CSTPP1: variants seen among roughly 807,000 people sequenced by gnomAD.
The protein encoded by CSTPP1 is UPF0705 protein C11orf49.
At chr11:47,037,108 T>C in the CSTPP1 span, among the ~76,000 whole-genome samples, 1 of 127,322 alleles carries the variant, frequency 7.9e-6, no homozygotes, top group East Asian at 2.1e-4. Context: ...CAGAGAATTA[T>C]GTAGATGTGT....
the CSTPP1 span, among the ~76,000 whole-genome samples, chr11:46,944,227 A>G: frequency 6.7e-6 from 1 of 150,064 alleles, no homozygotes. Flanking sequence ...TTGAGACACG[A>G]GAATTGCTTG....
At chr11:47,136,622 TG>T in the CSTPP1 span, among the ~76,000 whole-genome samples, 1 of 152,150 alleles carries the variant, frequency 6.6e-6, no homozygotes, top group Non-Finnish European at 1.5e-5. Flanking sequence ...TCCTGTGGCT[TG>T]GGCTAACTTA....
the CSTPP1 span, chr11:47,155,031 G>T: frequency 8.4e-6 from 6 of 715,412 alleles, no homozygotes; most frequent in Non-Finnish European, 1.2e-5. Flanking sequence ...TAAATGTCCT[G>T]CTGCCCCAGG....
the CSTPP1 span, among the ~76,000 whole-genome samples, chr11:47,079,478 CA>C: frequency 6.6e-6 from 1 of 152,186 alleles, no homozygotes; most frequent in Non-Finnish European, 1.5e-5. Flanking sequence ...CCAAAAGCTG[CA>C]TACTTGATTA....
the CSTPP1 span, among the ~76,000 whole-genome samples, chr11:47,015,250 C>T: frequency 3.1e-4 from 47 of 151,620 alleles, no homozygotes; most frequent in Non-Finnish European, 4.3e-4. Flanking sequence ...AGGGGGATCG[C>T]GAGGTCAGGA....
At chr11:46,987,443 T>C in the CSTPP1 span, 6 of 751,482 alleles carry the variant, frequency 8.0e-6, no homozygotes. Context: ...GGTAGGTTGG[T>C]TGTGGGCCGC....
the CSTPP1 span, among the ~76,000 whole-genome samples, chr11:47,148,010 G>C: frequency 6.6e-6 from 1 of 152,094 alleles, no homozygotes; most frequent in Non-Finnish European, 1.5e-5. Context: ...GTGCGGGCTG[G>C]AGCTAGGGCA....
the CSTPP1 span, among the ~76,000 whole-genome samples, chr11:47,072,217 G>A: frequency 6.6e-6 from 1 of 152,168 alleles, no homozygotes; most frequent in Admixed American, 6.5e-5. Flanking sequence ...GCTGGCTGTG[G>A]CAGCCAAGGA....
At chr11:47,154,660 C>T in the CSTPP1 span, among the ~76,000 whole-genome samples, 1 of 152,106 alleles carries the variant, frequency 6.6e-6, no homozygotes, top group Non-Finnish European at 1.5e-5. Flanking sequence ...GTGGCGGTGT[C>T]TGTCGCTGTT....
the CSTPP1 span, among the ~76,000 whole-genome samples, chr11:47,088,543 A>T: frequency 2.6e-5 from 4 of 152,094 alleles, no homozygotes; most frequent in African/African-American, 9.7e-5. Context: ...AAATTTTAGT[A>T]ATATTTATTT....
At chr11:47,047,532 G>A in the CSTPP1 span, among the ~76,000 whole-genome samples, 5 of 152,164 alleles carry the variant, frequency 3.3e-5, no homozygotes, top group African/African-American at 7.2e-5. Flanking sequence ...GGATATCCAC[G>A]TGTGAAAGAA....
the CSTPP1 span, among the ~76,000 whole-genome samples, chr11:47,132,948 A>G: frequency 6.6e-6 from 1 of 152,258 alleles, no homozygotes; most frequent in African/African-American, 2.4e-5. Context: ...AAATAATAAT[A>G]GCAAGTACTA....
chr11:47,015,297 T>A, the CSTPP1 span, among the ~76,000 whole-genome samples: 1 of 150,244 alleles, frequency 6.7e-6, no homozygotes, highest in South Asian at 2.1e-4. Context: ...TGAAACCCCG[T>A]CTCTACTAAA....
At chr11:47,153,202 T>C in the CSTPP1 span, among the ~76,000 whole-genome samples, 1 of 151,760 alleles carries the variant, frequency 6.6e-6, no homozygotes, top group Non-Finnish European at 1.5e-5. Flanking sequence ...CCTTGGGTTA[T>C]GAGATGGGGT....
chr11:47,016,397 C>CAAAAAAAAA, the CSTPP1 span, among the ~76,000 whole-genome samples: 3 of 74,668 alleles, frequency 4.0e-5, no homozygotes, highest in African/African-American at 6.1e-5. Flanking sequence ...CTACAAAAAA[C>CAAAAAAAAA]AAAAAACAAA....
chr11:47,087,284 T>C, the CSTPP1 span, among the ~76,000 whole-genome samples: 1 of 152,218 alleles, frequency 6.6e-6, no homozygotes. Context: ...GCAAAGAATA[T>C]GGCCTTAATG....
chr11:46,955,707 G>T, the CSTPP1 span, among the ~76,000 whole-genome samples: 1 of 151,932 alleles, frequency 6.6e-6, no homozygotes, highest in Non-Finnish European at 1.5e-5. Context: ...TGAAGAAATG[G>T]TCGGCCTAGC....
At chr11:47,029,878 G>T in the CSTPP1 span, among the ~76,000 whole-genome samples, 1 of 150,086 alleles carries the variant, frequency 6.7e-6, no homozygotes, top group African/African-American at 2.5e-5. Context: ...CAGGAGGATC[G>T]CTTGAGCCCA....
chr11:47,038,076 G>T, the CSTPP1 span, among the ~76,000 whole-genome samples: 1 of 96,648 alleles, frequency 1.0e-5, no homozygotes, highest in Non-Finnish European at 2.7e-5. Context: ...CTCACCTCCC[G>T]GATGGGGCGG....
Sources: allele counts gnomAD v4.1 joint callset (sites outside exome capture counted in the v4.1 genomes callset), GRCh38; gene constraint gnomAD v4.1.1; transcripts MANE v1.5; gene names NCBI Gene and HGNC (gene_info 2026-07-23, HGNC 2026-07-21).